ATP9B: variants seen among roughly 807,000 people sequenced by gnomAD.
ATP9B encodes probable phospholipid-transporting ATPase IIB.
A neutral mutation model predicts 146.1 loss-of-function variants in ATP9B; 110 were observed. That is an observed-to-expected ratio of 0.75 (90% CI 0.65 to 0.88). ATP9B has a LOEUF of 0.88. Among genes scored for constraint, ATP9B ranks in the 40% least tolerant of loss-of-function variants. The pLI, the probability that ATP9B is intolerant of heterozygous loss-of-function variation, is 0.00. For synonymous variants in ATP9B, 604 were observed against 569.7 expected, an observed-to-expected ratio of 1.06 and a Z score of -0.86; for missense variants, 1,499 against 1,496.4, an observed-to-expected ratio of 1.00 and a Z score of -0.03.
chr18:79,075,900 T>G (rs539685668), intron 1 of ATP9B, among the ~76,000 whole-genome samples: 5 of 152,376 alleles, frequency 3.3e-5, no homozygotes, highest in African/African-American at 1.2e-4. Flanking sequence ...CCAGTTTGAT[T>G]TATCTATAGC....
intron 13 of ATP9B, among the ~76,000 whole-genome samples, chr18:79,287,386 A>T (rs2096455736): frequency 6.6e-6 from 1 of 151,954 alleles, no homozygotes; most frequent in African/African-American, 2.4e-5. Context: ...TTTCTTCTAG[A>T]TTTTCTAGTT....
chr18:79,227,200 A>G (rs1029640617), intron 11 of ATP9B, among the ~76,000 whole-genome samples: 8 of 151,870 alleles, frequency 5.3e-5, no homozygotes, highest in Non-Finnish European at 8.8e-5. Context: ...TTTTACTTCC[A>G]CAGACAGATG....
intron 26 of ATP9B, among the ~76,000 whole-genome samples, chr18:79,368,332 G>A (rs975316740): frequency 9.9e-5 from 15 of 152,214 alleles, no homozygotes; most frequent in South Asian, 6.2e-4. Context: ...TCGAGGCTGC[G>A]GTGAGCTGTG....
intron 2 of ATP9B, among the ~76,000 whole-genome samples, chr18:79,103,790 C>CTG (rs1370906956): frequency 6.6e-6 from 1 of 152,054 alleles, no homozygotes; most frequent in Non-Finnish European, 1.5e-5. Context: ...AGGGAAGAGC[C>CTG]TGGGTGATGA....
intron 1 of ATP9B, among the ~76,000 whole-genome samples, chr18:79,076,533 T>C (rs2072635636): frequency 6.6e-6 from 1 of 152,214 alleles, no homozygotes; most frequent in African/African-American, 2.4e-5. Flanking sequence ...TTGAGTTGTT[T>C]TTCCTTTTGA....
At chr18:79,232,247 G>A (rs2095799894) in intron 11 of ATP9B, among the ~76,000 whole-genome samples, 1 of 152,152 alleles carries the variant, frequency 6.6e-6, no homozygotes, top group Non-Finnish European at 1.5e-5. Context: ...AGAGTGCAGG[G>A]GCACAGACCC....
chr18:79,286,030 G>A (rs1464564357), intron 13 of ATP9B, among the ~76,000 whole-genome samples: 1 of 151,378 alleles, frequency 6.6e-6, no homozygotes. Flanking sequence ...GCCTTGTAGT[G>A]TAGTTTGAAG....
rs529859437 is a variant in ATP9B at position 79,280,296 on chromosome 18, G to C, written c.1411+3100G>C. The stretch of plus-strand genomic sequence containing the variant: ...GAAAGATTAAACCATTGAATATTTA[G>C]AGGAAAATAAAGGATCAAGCTGTAA... On this transcript the variant is annotated intron_variant, in intron 13 of 29. Transcript: ENST00000426216. 7.9e-5 allele frequency among the ~76,000 whole-genome samples: 12 copies of C among 152,030 alleles called. No individual in the cohort carries two copies. The South Asian group carries it at 2.5e-3, about 32-fold the overall frequency.
intron 12 of ATP9B, among the ~76,000 whole-genome samples, chr18:79,264,099 GA>G (rs899117905): frequency 5.3e-5 from 8 of 149,870 alleles, no homozygotes; most frequent in Non-Finnish European, 1.0e-4. Flanking sequence ...AAAAGAAAAG[GA>G]AAAAAAAACA....
rs760535601 is a variant in ATP9B at position 79,113,268 on chromosome 18, T to A, written c.472T>A (p.Leu158Met). 6.3e-7 allele frequency: 1 copy of A among 1,596,810 alleles called. No individual in the cohort carries two copies. The highest frequency in any genetic ancestry group is 1.1e-5 in the South Asian group (1 of 89,046). Residue 158 changes from leucine to methionine, a missense_variant, in exon 4 of 30, where the codon TTG becomes ATG. Transcript: ENST00000426216. ...TTTGTATGAACAATTCAAGTTTTTC[T>A]TGAATCTCTATTTTCTAGTAATATC... ...GVLYEQFKFFLNLYFLVISCS... is the reference protein window; with the variant it reads ...GVLYEQFKFFMNLYFLVISCS...
chr18:79,112,774 T>A (rs2093996699), intron 3 of ATP9B, among the ~76,000 whole-genome samples: 1 of 152,136 alleles, frequency 6.6e-6, no homozygotes, highest in Non-Finnish European at 1.5e-5. Context: ...TTATTTGTTT[T>A]TTACCATTTC....
At chr18:79,243,779 A>G (rs1028589459) in intron 11 of ATP9B, among the ~76,000 whole-genome samples, 2 of 152,236 alleles carry the variant, frequency 1.3e-5, no homozygotes, top group Admixed American at 6.5e-5. Context: ...TGCTATGTTT[A>G]GTGTTTCAAG....
intron 5 of ATP9B, among the ~76,000 whole-genome samples, chr18:79,142,853 G>C (rs894164276): frequency 6.6e-6 from 1 of 152,152 alleles, no homozygotes; most frequent in African/African-American, 2.4e-5. Context: ...TGGGAAATAC[G>C]ATCTTTTAAT....
intron 19 of ATP9B, among the ~76,000 whole-genome samples, chr18:79,341,930 C>A (rs1398327585): frequency 6.6e-6 from 1 of 152,194 alleles, no homozygotes; most frequent in Non-Finnish European, 1.5e-5. Context: ...TCCCCTAAAC[C>A]CTGGCACCCA....
At chr18:79,282,274 G>T (rs2096385700) in intron 13 of ATP9B, among the ~76,000 whole-genome samples, 1 of 152,320 alleles carries the variant, frequency 6.6e-6, no homozygotes, top group African/African-American at 2.4e-5. Context: ...AGTTGATAAA[G>T]CAGGGTCTGA....
At chr18:79,331,619 T>C (rs955431365) in intron 17 of ATP9B, among the ~76,000 whole-genome samples, 2 of 152,098 alleles carry the variant, frequency 1.3e-5, no homozygotes, top group African/African-American at 4.8e-5. Context: ...AAAAACGAAA[T>C]GAGGCAGCAG....
intron 26 of ATP9B, among the ~76,000 whole-genome samples, chr18:79,369,474 A>G (rs2097056236): frequency 6.8e-6 from 1 of 146,576 alleles, no homozygotes; most frequent in Admixed American, 7.0e-5. Flanking sequence ...CGAAGCCTGC[A>G]GTGAGCCAAG....
rs573644475 is a variant in ATP9B at position 79,189,252 on chromosome 18, C to T, written c.874-3931C>T. On this transcript the variant is annotated intron_variant, in intron 8 of 29. Transcript: ENST00000426216. ...ATCCCAGCTATTCAGGAGACTGAGG[C>T]CAGAGAATCGCTTGAACCTGGGAGG... Among the ~76,000 whole-genome samples, 10 of 152,198 alleles carry T rather than the reference C, an allele frequency of 6.6e-5. No individual in the cohort carries two copies. The East Asian group carries it at 1.7e-3, about 26-fold the overall frequency.
chr18:79,153,283 CTTTCCCAG>C (rs1355196662), intron 6 of ATP9B, among the ~76,000 whole-genome samples: 2 of 152,126 alleles, frequency 1.3e-5, no homozygotes, highest in African/African-American at 4.8e-5. Context: ...ACTGATATAG[CTTTCCCAG>C]TTGATAGAAC....
Sources: gnomAD v4.1 joint callset for allele counts (sites outside exome capture counted in the v4.1 genomes callset) on GRCh38, gnomAD v4.1.1 for gene constraint, MANE v1.5 for transcripts, NCBI Gene and HGNC (gene_info 2026-07-23, HGNC 2026-07-21) for gene names.